NR1I3: variants seen among roughly 807,000 people sequenced by gnomAD.
The protein encoded by NR1I3 is constitutive activator of retinoid response.
NR1I3 carries 30 observed loss-of-function variants against 38.4 expected under a neutral mutation model. The observed-to-expected ratio is 0.78, with a 90% CI of 0.58 to 1.06. The LOEUF is 1.06. Among genes scored for constraint, NR1I3 ranks in the 50% least tolerant of loss-of-function variants. The pLI is 0.00. For synonymous variants in NR1I3, 143 were observed against 165.1 expected (o/e 0.87, Z 1.03); for missense variants, 388 against 435.7 (o/e 0.89, Z 0.97).
At position 161,229,869 on chromosome 1, in the gene NR1I3, G is replaced by C. The variant is rs1055414374; in HGVS notation, c.975C>G (p.Ala325=). 6 of 1,614,190 alleles carry C rather than the reference G, an allele frequency of 3.7e-6. No homozygotes were observed. Among genetic ancestry groups the C allele is most frequent in the Non-Finnish European group, 4.2e-6 (5 of 1,180,034 alleles). Residue 325 remains alanine, a synonymous_variant, in exon 9 of 9, where the codon GCC becomes GCG. Coordinates refer to ENST00000367983, the MANE Select transcript of NR1I3 (RefSeq NM_005122.5). ...GGATGTGCTGGATTTGGTACCCGTA[G>C]GCCTCATTAATGCTCCGGAGCTCAG... The part of the protein sequence containing the change: ...LLAELRSINE[A]YGYQIQHIQG...
intron 8 of NR1I3, 85 bp downstream of exon 8, chr1:161,230,727 TA>T (rs201634883): frequency 1.9e-6 from 3 of 1,580,904 alleles, no homozygotes; most frequent in East Asian, 2.2e-5. Flanking sequence ...GAAAGGACAG[TA>T]AAAAAACATT....
chr1:161,229,914 C>T lies in NR1I3; in HGVS notation c.930G>A (p.Ala310=), dbSNP rs36017137. ...QRRPRDRFLY[A]KLLGLLAELR... Reference sequence around the variant, plus strand: ...GCTCAGCCAGCAGGCCTAGCAACTTCGCATACAGAAACCTTTGGAGGAAGT... The same window carrying T: ...GCTCAGCCAGCAGGCCTAGCAACTTTGCATACAGAAACCTTTGGAGGAAGT... The change falls in exon 9 of 9, where the codon GCG becomes GCA. Residue 310 remains alanine, a synonymous_variant. Transcript: ENST00000367983. 5.0e-3 allele frequency: 8,061 copies of T among 1,614,124 alleles called. 33 individuals are homozygous for T. Among genetic ancestry groups the T allele is most frequent in the Non-Finnish European group, 6.1e-3 (7,209 of 1,180,016 alleles).
At chr1:161,231,533 C>T in intron 5 of NR1I3, 59 bp from the exon 6 acceptor site, 1 of 1,545,106 alleles carries the variant, frequency 6.5e-7, no homozygotes, top group African/African-American at 1.4e-5. Context: ...GACAGAGTCT[C>T]ACTGTCACCC....
intron 3 of NR1I3, chr1:161,235,504 G>C (rs1307265277): frequency 4.4e-6 from 1 of 225,382 alleles, no homozygotes. Flanking sequence ...TCCTGACCTC[G>C]TGATCCGCCT....
At chr1:161,233,837 A>ATG (rs761756944) in intron 3 of NR1I3, among the ~76,000 whole-genome samples, 6,291 of 118,396 alleles carry the variant, frequency 0.053, 185 homozygotes, top group Non-Finnish European at 0.074. Flanking sequence ...TCATATATAT[A>ATG]TGTGTGTGTG....
In NR1I3 at chr1:161,231,572, C is replaced by T. The variant is rs1166077381; in HGVS notation, c.549-98G>A. The stretch of plus-strand genomic sequence containing the variant: ...CTGGAGTGCAGTGGCGTGATCTCTG[C>T]TCACTGTAACCTCTGCCTCCTGGGT... On this transcript the variant is annotated intron_variant, in intron 5 of 8. Transcript: ENST00000367983. 4.1e-6 allele frequency: 5 copies of T among 1,234,082 alleles called. No homozygotes were observed. The East Asian group carries it at 7.3e-5, about 18-fold the overall frequency. The allele number at this position is 1,234,082 out of a possible 1,614,324, so 76.4% of individuals were successfully genotyped here.
rs144211465 is a variant in NR1I3 at position 161,231,180 on chromosome 1, G to T, written c.748C>A (p.Arg250=). The part of the protein sequence containing the change: ...ELLFHFHGTL[R]KLQLQEPEYV... Reference sequence around the variant, plus strand: ...TCAGGCTCTTGGAGCTGCAGTTTTCGTAGTGTTCCATGGAAGTGAAAGAGC... The same window carrying T: ...TCAGGCTCTTGGAGCTGCAGTTTTCTTAGTGTTCCATGGAAGTGAAAGAGC... Residue 250 remains arginine, a synonymous_variant, in exon 7 of 9, where the codon CGA becomes AGA. Transcript: ENST00000367983. 176 of 1,613,964 alleles carry T rather than the reference G, an allele frequency of 1.1e-4. No individual in the cohort carries two copies. Among genetic ancestry groups the T allele is most frequent in the Non-Finnish European group, 1.4e-4 (171 of 1,180,024 alleles).
At chr1:161,235,489 C>G (rs966842412) in intron 3 of NR1I3, 16 of 212,480 alleles carry the variant, frequency 7.5e-5, no homozygotes, top group Non-Finnish European at 4.8e-5. Context: ...AGAATGGTCT[C>G]GATCTCCTGA....
At chr1:161,232,723 T>A in intron 5 of NR1I3, 84 bp downstream of exon 5, 1 of 1,358,606 alleles carries the variant, frequency 7.4e-7, no homozygotes, top group Non-Finnish European at 1.0e-6. Flanking sequence ...ACGCATGTGA[T>A]AATTTGTAGT....
In NR1I3 at chr1:161,238,028, A is replaced by T; in HGVS notation, c.-34+13T>A. The T allele has an allele frequency of 6.2e-7, 1 of 1,611,920 alleles. No homozygotes were observed. Among genetic ancestry groups the T allele is most frequent in the Non-Finnish European group, 8.5e-7 (1 of 1,178,074 alleles). ...TATTACATTTAGTCTTTGGTCCCCA[A>T]CAGATTTCCTACCTGCTTCTCTTAG... On this transcript the variant is annotated intron_variant, in intron 1 of 8. Transcript: ENST00000367983.
chr1:161,231,322 A>G lies in NR1I3; in HGVS notation c.694+7T>C. The G allele has an allele frequency of 6.3e-7, 1 of 1,588,950 alleles. No homozygotes were observed. The highest frequency in any genetic ancestry group is 1.1e-5 in the South Asian group (1 of 88,312). On this transcript the variant is annotated splice_region_variant and intron_variant, in intron 6 of 8. Transcript: ENST00000367983. ...ACATGCCCCCTATTGCTCTAGCACC[A>G]TCTCACCACGGGCTCCATCTTCAAT...
At chr1:161,237,207 T>C (rs1267049330) in intron 1 of NR1I3, among the ~76,000 whole-genome samples, 1 of 91,896 alleles carries the variant, frequency 1.1e-5, no homozygotes, top group Admixed American at 1.0e-4. Flanking sequence ...CTTTCTTTCC[T>C]TTTTTTTTTT....
intron 4 of NR1I3, 76 bp from the exon 5 acceptor site, chr1:161,233,022 A>G (rs1436128787): frequency 1.4e-5 from 22 of 1,595,912 alleles, no homozygotes; most frequent in Non-Finnish European, 1.9e-5. Context: ...TTATCTTGGA[A>G]GAGTTCCTTG....
At chr1:161,234,623 T>C (rs1346669792) in intron 3 of NR1I3, among the ~76,000 whole-genome samples, 1 of 152,124 alleles carries the variant, frequency 6.6e-6, no homozygotes, top group Non-Finnish European at 1.5e-5. Context: ...ACCAGGCTGG[T>C]CTTGAATTCC....
At chr1:161,234,754 C>T (rs925074170) in intron 3 of NR1I3, among the ~76,000 whole-genome samples, 8 of 152,198 alleles carry the variant, frequency 5.3e-5, no homozygotes, top group Non-Finnish European at 7.3e-5. Flanking sequence ...CTTCCGTGAG[C>T]CCCAGTTACA....
At position 161,235,737 on chromosome 1, in the gene NR1I3, A is replaced by G. The variant is rs532846805; in HGVS notation, c.238+110T>C. On this transcript the variant is annotated intron_variant, in intron 3 of 8. Coordinates refer to ENST00000367983, the MANE Select transcript of NR1I3 (RefSeq NM_005122.5). The stretch of plus-strand genomic sequence containing the variant: ...CTTGAGTGAATAGTGACATAATCCA[A>G]CTAGTTTCAAAAAGAGTACTGTGCC... 1.1e-5 allele frequency: 15 copies of G among 1,395,436 alleles called. No homozygotes were observed. In the East Asian group the frequency reaches 3.5e-4, roughly 32 times the overall value. The allele number at this position is 1,395,436 out of a possible 1,614,324, so 86.4% of individuals were successfully genotyped here.
chr1:161,233,257 C>T lies in NR1I3; in HGVS notation c.320G>A (p.Ser107Asn). Residue 107 changes from serine (S) to asparagine (N), a missense_variant, in exon 4 of 9, where the codon AGT (serine) becomes AAT (asparagine). Coordinates refer to ENST00000367983, the MANE Select transcript of NR1I3 (RefSeq NM_005122.5). ...CCGGATCAGCTCTTCTTGCTCCTTA[C>T]TCAGTTGCACAGGTGTTTGCTGTGC... ...RRAQQTPVQL[S>N]KEQEELIRTL... The T allele has an allele frequency of 6.2e-7, 1 of 1,614,140 alleles. No individual in the cohort carries two copies. Among genetic ancestry groups the T allele is most frequent in the Non-Finnish European group, 8.5e-7 (1 of 1,179,968 alleles).
chr1:161,236,729 T>TTCTTTTTCTTTA, intron 1 of NR1I3, 131 bp from the exon 2 acceptor site: 1 of 725,316 alleles, frequency 1.4e-6, no homozygotes, highest in South Asian at 2.1e-5. Context: ...TTTTGTGGTT[T>TTCTTTTTCTTTA]TCTTTTTCTT....
intron 2 of NR1I3, 65 bp from the exon 3 acceptor site, chr1:161,236,042 A>T: frequency 6.6e-7 from 1 of 1,520,052 alleles, no homozygotes; most frequent in South Asian, 1.3e-5. Flanking sequence ...CTGAGATGAC[A>T]TGGTCTAAAA....
Sources: gnomAD v4.1 joint callset for allele counts (sites outside exome capture counted in the v4.1 genomes callset) on GRCh38, gnomAD v4.1.1 for gene constraint, MANE v1.5 for transcripts, NCBI Gene and HGNC (gene_info 2026-07-23, HGNC 2026-07-21) for gene names.